Variants in PREX2 observed in about 807,000 individuals in gnomAD.
PREX2 encodes phosphatidylinositol 3,4,5-trisphosphate-dependent Rac exchanger 2 protein.
A neutral mutation model predicts 203.2 loss-of-function variants in PREX2; 107 were observed. That is an observed-to-expected ratio of 0.53 (90% CI 0.45 to 0.62). PREX2 has a LOEUF of 0.62. Among genes scored for constraint, PREX2 ranks in the 20% least tolerant of loss-of-function variants. The pLI is 0.00. For missense variants in PREX2, 1,777 were observed against 1,955.9 expected (o/e 0.91, Z 1.72); for synonymous variants, 672 against 663.6 (o/e 1.01, Z -0.19).
chr8:68,038,028 C>G, intron 6 of PREX2, 131 bp from the exon 7 acceptor site: 1 of 918,070 alleles, frequency 1.1e-6, no homozygotes, highest in Non-Finnish European at 1.7e-6. Flanking sequence ...ACTATCTCTA[C>G]TGCTTGCACT....
chr8:67,952,417 A>T lies in PREX2; in HGVS notation c.23A>T (p.Asp8Val). 1.3e-6 allele frequency: 2 copies of T among 1,568,660 alleles called. No individual in the cohort carries two copies. The highest frequency in any genetic ancestry group is 1.7e-6 in the Non-Finnish European group (2 of 1,158,364). Residue 8 changes from aspartate to valine, a missense_variant, in exon 1 of 40, where the codon GAC (aspartate) becomes GTC (valine). Coordinates refer to ENST00000288368, the MANE Select transcript of PREX2 (RefSeq NM_024870.4). Reference protein sequence around the residue: MSEDSRGDSRAESAKDLE... With the variant: MSEDSRGVSRAESAKDLE... ...ACCATGAGCGAGGACAGCCGCGGAG[A>T]CAGCCGCGCCGAGAGCGCCAAGGAC...
chr8:68,170,651 A>G (rs1447916008), intron 35 of PREX2, among the ~76,000 whole-genome samples: 2 of 152,226 alleles, frequency 1.3e-5, no homozygotes, highest in African/African-American at 4.8e-5. Flanking sequence ...GAAGAGTAAC[A>G]GCATGTAAAG....
intron 27 of PREX2, 103 bp from the exon 28 acceptor site, chr8:68,119,329 T>G: frequency 1.3e-6 from 1 of 744,088 alleles, no homozygotes; most frequent in South Asian, 1.6e-5. Context: ...AATAACAGCT[T>G]GTGTTTAATT....
chr8:67,954,414 A>G (rs1805435247), intron 1 of PREX2, among the ~76,000 whole-genome samples: 1 of 152,228 alleles, frequency 6.6e-6, no homozygotes, highest in Non-Finnish European at 1.5e-5. Context: ...TGTTATTTAT[A>G]GCAACATTTA....
intron 5 of PREX2, 143 bp downstream of exon 5, chr8:68,027,466 C>T: frequency 1.6e-6 from 1 of 607,774 alleles, no homozygotes; most frequent in Non-Finnish European, 2.9e-6. Context: ...GCCATTTTGT[C>T]ACAAATTTAT....
intron 1 of PREX2, among the ~76,000 whole-genome samples, chr8:68,016,209 G>T (rs548941585): frequency 6.6e-6 from 1 of 151,974 alleles, no homozygotes; most frequent in Non-Finnish European, 1.5e-5. Flanking sequence ...TACCCATTGC[G>T]TTTTGGTAAA....
chr8:67,998,931 T>A (rs1806849677), intron 1 of PREX2, among the ~76,000 whole-genome samples: 1 of 152,248 alleles, frequency 6.6e-6, no homozygotes, highest in Non-Finnish European at 1.5e-5. Context: ...TGACACTTTC[T>A]GGAATTTATT....
intron 30 of PREX2, among the ~76,000 whole-genome samples, chr8:68,121,573 A>G (rs758995784): frequency 6.6e-6 from 1 of 152,200 alleles, no homozygotes; most frequent in Admixed American, 6.5e-5. Context: ...AATTGGAGAT[A>G]TATGACTTTG....
intron 1 of PREX2, among the ~76,000 whole-genome samples, chr8:68,007,440 G>A (rs1807126660): frequency 6.6e-6 from 1 of 152,168 alleles, no homozygotes; most frequent in Non-Finnish European, 1.5e-5. Context: ...CATTGATATA[G>A]CTTGCTATGT....
chr8:68,107,552 G>C (rs1487636386), intron 23 of PREX2, among the ~76,000 whole-genome samples: 1 of 152,188 alleles, frequency 6.6e-6, no homozygotes, highest in African/African-American at 2.4e-5. Context: ...CTGACTCAAT[G>C]ATTAGCAGGA....
intron 4 of PREX2, among the ~76,000 whole-genome samples, chr8:68,026,425 A>T (rs564168310): frequency 3.1e-4 from 47 of 152,224 alleles, no homozygotes; most frequent in African/African-American, 1.1e-3. Flanking sequence ...GATATTTATT[A>T]AATAGTTTGT....
intron 1 of PREX2, among the ~76,000 whole-genome samples, chr8:67,997,849 T>G (rs1451153777): frequency 6.6e-6 from 1 of 152,222 alleles, no homozygotes; most frequent in Admixed American, 6.5e-5. Context: ...CATTTCTTTC[T>G]GATATCTTAA....
chr8:68,032,721 A>G (rs1048697040), intron 6 of PREX2, among the ~76,000 whole-genome samples: 2 of 152,182 alleles, frequency 1.3e-5, no homozygotes, highest in African/African-American at 2.4e-5. Context: ...GCTGTCTTTG[A>G]CTTGCTGATG....
chr8:68,227,665 A>G (rs1813079901), intron 39 of PREX2, among the ~76,000 whole-genome samples: 1 of 152,214 alleles, frequency 6.6e-6, no homozygotes, highest in African/African-American at 2.4e-5. Flanking sequence ...TCAGCACTGA[A>G]GAGAAAGCAG....
intron 17 of PREX2, among the ~76,000 whole-genome samples, chr8:68,081,516 G>A (rs555199737): frequency 6.6e-6 from 1 of 152,112 alleles, no homozygotes; most frequent in African/African-American, 2.4e-5. Context: ...CTGGAGCCCC[G>A]TGGAGACTGC....
rs116361442 is a variant in PREX2 at position 68,024,199 on chromosome 8, G to T, written c.441+2059G>T. 7.6e-3 allele frequency among the ~76,000 whole-genome samples: 1,160 copies of T among 152,000 alleles called. 21 individuals carry two copies. The highest frequency in any genetic ancestry group is 0.026 in the African/African-American group (1,077 of 41,498). ...TATTCATATATATTGACAATGCTAT[G>T]AATTACATGCATTGACAATGCTATG... is the stretch of plus-strand genomic sequence containing the variant. On this transcript the variant is annotated intron_variant, in intron 4 of 39. Coordinates refer to ENST00000288368, the MANE Select transcript of PREX2 (RefSeq NM_024870.4).
intron 15 of PREX2, among the ~76,000 whole-genome samples, chr8:68,079,626 T>C (rs1167912645): frequency 1.3e-5 from 2 of 150,366 alleles, no homozygotes; most frequent in African/African-American, 4.9e-5. Context: ...TTCAAGGTAT[T>C]AAGGACAGAG....
chr8:68,214,751 G>A (rs879886749), intron 37 of PREX2, among the ~76,000 whole-genome samples: 3 of 152,158 alleles, frequency 2.0e-5, no homozygotes, highest in Admixed American at 1.3e-4. Context: ...GCTTTCTTTC[G>A]CATGCTTAGT....
At chr8:67,974,985 G>T (rs1263646276) in intron 1 of PREX2, among the ~76,000 whole-genome samples, 1 of 152,172 alleles carries the variant, frequency 6.6e-6, no homozygotes, top group South Asian at 2.1e-4. Flanking sequence ...CATCCTTGCT[G>T]TGTGTTCCTC....
Sources: gnomAD v4.1 joint callset for allele counts (sites outside exome capture counted in the v4.1 genomes callset) on GRCh38, gnomAD v4.1.1 for gene constraint, MANE v1.5 for transcripts, NCBI Gene and HGNC (gene_info 2026-07-23, HGNC 2026-07-21) for gene names.